ASTN2: variants seen among roughly 807,000 people sequenced by gnomAD.
The protein encoded by ASTN2 is astrotactin 2.
A neutral mutation model predicts 139.8 loss-of-function variants in ASTN2; 54 were observed. That is an observed-to-expected ratio of 0.39 (90% CI 0.31 to 0.48). The LOEUF is 0.48. Ranked by LOEUF, ASTN2 falls within the 20% of genes least tolerant of loss-of-function variation. ASTN2 has a pLI of 0.95. For synonymous variants in ASTN2, 756 were observed against 719.5 expected (o/e 1.05, Z -0.81); for missense variants, 1,565 against 1,725.1 (o/e 0.91, Z 1.64).
chr9:117,111,312 G>C (rs572941678), intron 4 of ASTN2, among the ~76,000 whole-genome samples: 3 of 152,262 alleles, frequency 2.0e-5, no homozygotes, highest in South Asian at 4.2e-4. Context: ...CAATAGCTGT[G>C]ATCAGTTGGG....
At chr9:116,617,253 G>A (rs927689781) in intron 19 of ASTN2, among the ~76,000 whole-genome samples, 5 of 152,150 alleles carry the variant, frequency 3.3e-5, no homozygotes, top group African/African-American at 1.2e-4. Context: ...GCCCAGAGAG[G>A]AATGGGAGAG....
At chr9:117,242,483 T>C (rs1449769555) in intron 2 of ASTN2, among the ~76,000 whole-genome samples, 3 of 152,146 alleles carry the variant, frequency 2.0e-5, no homozygotes, top group African/African-American at 7.2e-5. Flanking sequence ...GCTGGAAGCA[T>C]CCTAATGGTT....
chr9:117,071,316 G>T (rs1370533263), intron 5 of ASTN2, among the ~76,000 whole-genome samples: 1 of 151,944 alleles, frequency 6.6e-6, no homozygotes, highest in East Asian at 1.9e-4. Flanking sequence ...TCCCAGTTAG[G>T]CTGCTCGGGG....
intron 1 of ASTN2, among the ~76,000 whole-genome samples, chr9:117,328,204 C>A (rs1244651283): frequency 6.6e-6 from 1 of 152,050 alleles, no homozygotes; most frequent in Admixed American, 6.6e-5. Flanking sequence ...TGGAGTAGTT[C>A]CCGAAGGTCA....
intron 1 of ASTN2, among the ~76,000 whole-genome samples, chr9:117,338,581 C>T (rs988271888): frequency 2.6e-5 from 4 of 152,110 alleles, no homozygotes; most frequent in Admixed American, 1.3e-4. Flanking sequence ...TACCCTAACA[C>T]GTAGAAGAAA....
At position 116,424,537 on chromosome 9, in the gene ASTN2, C is replaced by T. The variant is rs1847254523; in HGVS notation, c.*1314G>A. ...GTTTTCAGTCCTTGAAAGAGGTGTA[C>T]TGTCTCTTGTCTCTGGGCTTTTGTT... On this transcript the variant is annotated 3_prime_UTR_variant, in exon 23 of 23. Transcript: ENST00000313400. Among the ~76,000 whole-genome samples the T allele has an allele frequency of 1.3e-5, 2 of 151,882 alleles. No individual in the cohort carries two copies. The highest frequency in any genetic ancestry group is 4.1e-4 in the South Asian group (2 of 4,820).
chr9:117,261,579 C>G (rs1047157929), intron 2 of ASTN2, among the ~76,000 whole-genome samples: 1 of 152,064 alleles, frequency 6.6e-6, no homozygotes, highest in African/African-American at 2.4e-5. Context: ...TGTTGAACTC[C>G]AAAGTCTGAA....
chr9:117,413,423 G>C (rs532902374), intron 1 of ASTN2, among the ~76,000 whole-genome samples: 5 of 152,260 alleles, frequency 3.3e-5, no homozygotes, highest in South Asian at 2.1e-4. Flanking sequence ...CACGGGCGCT[G>C]TTGTTGGCCA....
At chr9:116,817,743 T>G (rs902620706) in intron 12 of ASTN2, among the ~76,000 whole-genome samples, 1 of 152,252 alleles carries the variant, frequency 6.6e-6, no homozygotes, top group Non-Finnish European at 1.5e-5. Flanking sequence ...TGAGATGGTT[T>G]TATACTTATT....
intron 10 of ASTN2, among the ~76,000 whole-genome samples, chr9:116,874,625 C>G (rs1232887031): frequency 1.3e-5 from 2 of 152,176 alleles, no homozygotes; most frequent in Non-Finnish European, 2.9e-5. Context: ...CAGGCTCAAA[C>G]AAATAAAGAT....
At chr9:116,647,736 T>C (rs550028751) in intron 17 of ASTN2, among the ~76,000 whole-genome samples, 2 of 152,278 alleles carry the variant, frequency 1.3e-5, no homozygotes, top group East Asian at 1.9e-4. Flanking sequence ...CACAGGCTCA[T>C]TCACCAAGTC....
chr9:117,345,088 T>C (rs1332789948), intron 1 of ASTN2, among the ~76,000 whole-genome samples: 2 of 152,086 alleles, frequency 1.3e-5, no homozygotes, highest in African/African-American at 4.8e-5. Context: ...AGAGCCCAAC[T>C]TGGAGCTGTG....
chr9:116,495,923 C>A (rs1035190861), intron 19 of ASTN2, among the ~76,000 whole-genome samples: 1 of 152,130 alleles, frequency 6.6e-6, no homozygotes, highest in African/African-American at 2.4e-5. Flanking sequence ...TCCAGCCATG[C>A]AGACATTCTT....
At chr9:117,099,395 C>T (rs1828919267) in intron 4 of ASTN2, among the ~76,000 whole-genome samples, 1 of 152,172 alleles carries the variant, frequency 6.6e-6, no homozygotes, top group Non-Finnish European at 1.5e-5. Flanking sequence ...ATCTTCCCTC[C>T]CATCCTAAAC....
chr9:116,459,911 A>G (rs1848436192), intron 20 of ASTN2, among the ~76,000 whole-genome samples: 1 of 152,118 alleles, frequency 6.6e-6, no homozygotes, highest in Non-Finnish European at 1.5e-5. Context: ...CTATCTAACC[A>G]AGAGAACTGA....
At chr9:116,627,396 G>A (rs1343859927) in intron 17 of ASTN2, among the ~76,000 whole-genome samples, 1 of 152,120 alleles carries the variant, frequency 6.6e-6, no homozygotes, top group African/African-American at 2.4e-5. Context: ...CATGAAGCTG[G>A]TCCTCACAAC....
chr9:116,520,694 A>G (rs1450983930), intron 19 of ASTN2, among the ~76,000 whole-genome samples: 1 of 152,164 alleles, frequency 6.6e-6, no homozygotes, highest in Non-Finnish European at 1.5e-5. Context: ...TCAAATTGGT[A>G]AAGTGGAAGC....
chr9:117,257,848 A>G (rs1336010614), intron 2 of ASTN2, among the ~76,000 whole-genome samples: 4 of 152,204 alleles, frequency 2.6e-5, no homozygotes, highest in African/African-American at 9.6e-5. Context: ...TGTTGTAGTC[A>G]TTGCTCTGCC....
At chr9:117,318,905 G>T (rs1321769954) in intron 1 of ASTN2, among the ~76,000 whole-genome samples, 2 of 152,152 alleles carry the variant, frequency 1.3e-5, no homozygotes, top group Non-Finnish European at 2.9e-5. Flanking sequence ...AAGAGGTGCT[G>T]GTTCAGCCGC....
Sources: allele counts gnomAD v4.1 joint callset (sites outside exome capture counted in the v4.1 genomes callset), GRCh38; gene constraint gnomAD v4.1.1; transcripts MANE v1.5; gene names NCBI Gene and HGNC (gene_info 2026-07-23, HGNC 2026-07-21).